The following GTF3C1 variants were observed in gnomAD, a reference collection of about 807,000 sequenced individuals.
GTF3C1 encodes general transcription factor IIIC subunit 1, also known as general transcription factor 3C polypeptide 1.
A neutral mutation model predicts 226.7 loss-of-function variants in GTF3C1; 57 were observed. That is an observed-to-expected ratio of 0.25 (90% CI 0.20 to 0.31). The LOEUF is 0.31. GTF3C1 is among the 10% of genes least tolerant of loss of function. The probability of loss-of-function intolerance (pLI) is 1.00; values close to 1 mark genes in which losing one functional copy is unlikely to be tolerated. For synonymous variants in GTF3C1, 1,090 were observed against 1,084.8 expected (o/e 1.00, Z -0.09); for missense variants, 2,217 against 2,776.1 (o/e 0.80, Z 4.53).
chr16:27,503,053 G>A (rs1251657507), intron 10 of GTF3C1, 58 bp from the exon 11 acceptor site: 20 of 1,377,790 alleles, frequency 1.5e-5, no homozygotes, highest in East Asian at 1.1e-4. Context: ...TGGGGGCCAC[G>A]CACCACACCT....
intron 23 of GTF3C1, among the ~76,000 whole-genome samples, chr16:27,487,840 T>C (rs1474979252): frequency 6.6e-6 from 1 of 152,200 alleles, no homozygotes; most frequent in African/African-American, 2.4e-5. Flanking sequence ...CTTTGAACTT[T>C]GGCCTGATTA....
chr16:27,505,892 C>G lies in GTF3C1; in HGVS notation c.1770+7G>C, dbSNP rs779120672. Reference sequence around the variant, plus strand: ...GGAGACAGCTCCCTCCCTCTGCATGCACTGACCTTTGGGTTTTCCATCCGG... The same window carrying G: ...GGAGACAGCTCCCTCCCTCTGCATGGACTGACCTTTGGGTTTTCCATCCGG... On this transcript the variant is annotated splice_region_variant and intron_variant, in intron 10 of 36. Coordinates refer to ENST00000356183, the MANE Select transcript of GTF3C1 (RefSeq NM_001520.4). 2 of 1,516,890 alleles carry G rather than the reference C, an allele frequency of 1.3e-6. No homozygotes were observed. Among genetic ancestry groups the G allele is most frequent in the East Asian group, 2.2e-5 (1 of 44,478 alleles). The allele number at this position is 1,516,890 out of a possible 1,614,324, so 94.0% of individuals were successfully genotyped here.
chr16:27,510,370 A>C (rs2088555255), intron 7 of GTF3C1, among the ~76,000 whole-genome samples: 1 of 151,820 alleles, frequency 6.6e-6, no homozygotes, highest in Non-Finnish European at 1.5e-5. Context: ...TGGGCGACAC[A>C]GCGAGACTCC....
At chr16:27,485,826 G>A (rs955261676) in intron 24 of GTF3C1, among the ~76,000 whole-genome samples, 171 bp downstream of exon 24, 18 of 152,160 alleles carry the variant, frequency 1.2e-4, no homozygotes, top group Non-Finnish European at 1.9e-4. Flanking sequence ...AAAGAGCAAG[G>A]CTCCATCTTT....
At chr16:27,487,311 C>CT (rs2088156929) in intron 23 of GTF3C1, among the ~76,000 whole-genome samples, 1 of 152,216 alleles carries the variant, frequency 6.6e-6, no homozygotes, top group African/African-American at 2.4e-5. Flanking sequence ...AACATTCTGT[C>CT]TTTAACTGAA....
chr16:27,527,819 T>C (rs577990556), intron 6 of GTF3C1, among the ~76,000 whole-genome samples: 2 of 152,170 alleles, frequency 1.3e-5, no homozygotes, highest in Admixed American at 6.5e-5. Context: ...CTGGGCAACA[T>C]AGCGAGACTT....
Position 27,492,267 on chromosome 16 carries a change from G to T in GTF3C1, c.3151+71C>A. The T allele has an allele frequency of 2.2e-6, 2 of 908,016 alleles. No individual in the cohort carries two copies. Among genetic ancestry groups the T allele is most frequent in the Non-Finnish European group, 1.7e-6 (1 of 573,502 alleles). The allele number at this position is 908,016 out of a possible 1,614,324, so 56.2% of individuals were successfully genotyped here. A position where few individuals can be genotyped will look rare whatever the true frequency, so the allele number is the denominator to read the frequency against. On this transcript the variant is annotated intron_variant, in intron 19 of 36. Coordinates refer to ENST00000356183, the MANE Select transcript of GTF3C1 (RefSeq NM_001520.4). This position sits in a 1 kb window ranked among gnomAD's most constrained non-coding sequence, Gnocchi z 5.0. The stretch of plus-strand genomic sequence containing the variant: ...TTGAGGCAACTCCTAGGCTTTTCTA[G>T]CCCTAAATCCCAGTTAGCACACAGA...
intron 29 of GTF3C1, among the ~76,000 whole-genome samples, chr16:27,475,095 C>T (rs765829554): frequency 1.1e-4 from 16 of 152,198 alleles, no homozygotes; most frequent in Non-Finnish European, 1.6e-4. Flanking sequence ...CTCCCTGCCC[C>T]GCTGTGGCCA....
chr16:27,520,721 C>CT (rs2088733130), intron 6 of GTF3C1, among the ~76,000 whole-genome samples: 1 of 152,036 alleles, frequency 6.6e-6, no homozygotes, highest in South Asian at 2.1e-4. Context: ...GTCCCCAATG[C>CT]TTTTTTTGTT....
In GTF3C1 at chr16:27,469,521, T is replaced by C; in HGVS notation, c.4844A>G (p.Asp1615Gly). The stretch of plus-strand genomic sequence containing the variant: ...GTCCAAGTCATCCTCTTCATCCTCG[T>C]CATCCTCCAGGCTGCCGTCCTTCCC... ...SLGKDGSLED[D>G]EDEEDDLDEG... Residue 1615 changes from aspartate to glycine, a missense_variant, in exon 32 of 37, where the codon GAC becomes GGC. Asp to Gly is a moderately conservative substitution (Grantham distance 94). Around this residue, in one of 12 missense-constraint regions of GTF3C1, gnomAD observed 546 missense variants for 663.0 expected, o/e 0.82. Coordinates refer to ENST00000356183, the MANE Select transcript of GTF3C1 (RefSeq NM_001520.4). The surrounding 1 kb of genome is among the most constrained non-coding windows in gnomAD (Gnocchi z 4.5). The C allele has an allele frequency of 6.2e-7, 1 of 1,612,750 alleles. No individual in the cohort carries two copies. The highest frequency in any genetic ancestry group is 2.2e-5 in the East Asian group (1 of 44,834).
In GTF3C1 at chr16:27,464,772, C is replaced by T; in HGVS notation, c.5420G>A (p.Gly1807Asp). 1.3e-6 allele frequency: 2 copies of T among 1,560,042 alleles called. No individual in the cohort carries two copies. The highest frequency in any genetic ancestry group is 1.2e-5 in the South Asian group (1 of 84,738). ...GTGCAGGAGCCAAGGCCAGGCAGAG[C>T]CCATGGCTACCAGGCGCGCAGTGTT... ...GGNTARLVAM[G>D]SAWPWLLHSV... The change falls in exon 34 of 37, where the codon GGC becomes GAC. Residue 1807 changes from glycine to aspartate, a missense_variant. This residue lies in a region of GTF3C1 where 455 missense variants were observed against 441.9 expected (regional missense o/e 1.03). Coordinates refer to ENST00000356183, the MANE Select transcript of GTF3C1 (RefSeq NM_001520.4).
In GTF3C1 at chr16:27,537,933, G is replaced by A. The variant is rs1403763858; in HGVS notation, c.609-6C>T. On this transcript the variant is annotated splice_polypyrimidine_tract_variant and splice_region_variant and intron_variant, in intron 3 of 36. Coordinates refer to ENST00000356183, the MANE Select transcript of GTF3C1 (RefSeq NM_001520.4). Reference sequence around the variant, plus strand: ...GCAGCTTCCCAGCATCAACCCTGGAGGAAAAGAGGAGCCATGTCATTTGCT... The same window carrying A: ...GCAGCTTCCCAGCATCAACCCTGGAAGAAAAGAGGAGCCATGTCATTTGCT... 6.2e-7 allele frequency: 1 copy of A among 1,613,090 alleles called. No individual in the cohort carries two copies. The highest frequency in any genetic ancestry group is 1.1e-5 in the South Asian group (1 of 90,954).
intron 6 of GTF3C1, among the ~76,000 whole-genome samples, chr16:27,523,256 CA>C (rs1428465671): frequency 5.3e-5 from 8 of 152,234 alleles, no homozygotes; most frequent in African/African-American, 1.9e-4. Flanking sequence ...CAGATCAGTT[CA>C]GGGGGGCTGT....
chr16:27,490,130 C>T (rs536547666), intron 19 of GTF3C1, among the ~76,000 whole-genome samples: 2 of 152,282 alleles, frequency 1.3e-5, no homozygotes, highest in Admixed American at 6.5e-5. Context: ...GAAACGACTG[C>T]CCTTGCTGGT....
At chr16:27,530,494 C>T (rs1466966306) in intron 5 of GTF3C1, among the ~76,000 whole-genome samples, 1 of 152,180 alleles carries the variant, frequency 6.6e-6, no homozygotes, top group Non-Finnish European at 1.5e-5. Context: ...AGTGAGTCTT[C>T]GTACCAAATC....
At chr16:27,549,336 C>T (rs998051329) in intron 1 of GTF3C1, among the ~76,000 whole-genome samples, 3 of 152,178 alleles carry the variant, frequency 2.0e-5, no homozygotes, top group African/African-American at 7.2e-5. Context: ...TCTAAAGTGT[C>T]TTTCCTGCTC....
intron 22 of GTF3C1, 40 bp from the exon 23 acceptor site, chr16:27,488,455 G>A (rs1450284303): frequency 5.1e-6 from 8 of 1,565,186 alleles, no homozygotes; most frequent in Non-Finnish European, 7.0e-6. Context: ...CAGGACGAGT[G>A]CTGCAAAGGC....
chr16:27,508,377 G>A (rs751665907), intron 8 of GTF3C1, among the ~76,000 whole-genome samples, 163 bp downstream of exon 8: 4 of 152,222 alleles, frequency 2.6e-5, no homozygotes, highest in Admixed American at 6.5e-5. Context: ...CAGTGAAGGC[G>A]AGACATAACA....
chr16:27,477,347 C>T (rs375482453), intron 28 of GTF3C1, among the ~76,000 whole-genome samples: 5 of 152,096 alleles, frequency 3.3e-5, no homozygotes, highest in African/African-American at 1.2e-4. Context: ...GCTCATGTCG[C>T]CCAGGCTTGA....
Sources: allele counts gnomAD v4.1 joint callset (sites outside exome capture counted in the v4.1 genomes callset), GRCh38; gene constraint gnomAD v4.1.1; regional missense constraint gnomAD v4.1.1; non-coding constraint Gnocchi (gnomAD v3.1); transcripts MANE v1.5; gene names NCBI Gene and HGNC (gene_info 2026-07-23, HGNC 2026-07-21).